Variants in UBE2V1 observed in about 807,000 individuals in gnomAD.
UBE2V1 encodes the protein ubiquitin conjugating enzyme E2 V1.
UBE2V1 carries 15 observed loss-of-function variants against 19.6 expected under a neutral mutation model. The ratio of observed to expected loss-of-function variants is 0.77; its 90% CI spans 0.51 to 1.18. The LOEUF is 1.18. Ranked by LOEUF, UBE2V1 falls within the 50% of genes most tolerant of loss-of-function variation. UBE2V1 has a pLI of 0.00. For synonymous variants in UBE2V1, 60 were observed against 60.7 expected, an observed-to-expected ratio of 0.99 and a Z score of 0.05; for missense variants, 125 against 184.8, an observed-to-expected ratio of 0.68 and a Z score of 1.88.
intron 2 of UBE2V1, among the ~76,000 whole-genome samples, chr20:50,092,477 T>G (rs2079299985): frequency 6.6e-6 from 1 of 152,166 alleles, no homozygotes; most frequent in Admixed American, 6.5e-5. Flanking sequence ...GGGGTACTGC[T>G]GGCTTCTAGT....
chr20:50,111,352 C>G, intron 1 of UBE2V1: 1 of 998,288 alleles, frequency 1.0e-6, no homozygotes, highest in Non-Finnish European at 1.2e-6. Context: ...TTGTAGGTAG[C>G]CAACCGAGTG....
chr20:50,088,058 T>C (rs2079022453), intron 2 of UBE2V1, among the ~76,000 whole-genome samples: 1 of 148,538 alleles, frequency 6.7e-6, no homozygotes. Context: ...AAATTTTTCC[T>C]GGGCCAAATG....
intron 2 of UBE2V1, among the ~76,000 whole-genome samples, chr20:50,089,624 A>G (rs1285129346): frequency 6.6e-6 from 1 of 152,214 alleles, no homozygotes; most frequent in African/African-American, 2.4e-5. Context: ...CCTAGCCAGC[A>G]GCAGCAGGCA....
At chr20:50,115,457 A>G, upstream of UBE2V1, 1 of 1,524,904 alleles carries the variant, frequency 6.6e-7, no homozygotes, top group Non-Finnish European at 8.9e-7. Context: ...AGCAAGTGGA[A>G]GCATTTGGGT....
intron 1 of UBE2V1, among the ~76,000 whole-genome samples, chr20:50,101,948 G>A (rs2080027840): frequency 6.6e-6 from 1 of 152,216 alleles, no homozygotes; most frequent in South Asian, 2.1e-4. Flanking sequence ...AAAAGATGAA[G>A]AGGTTGGAGC....
upstream of UBE2V1, chr20:50,113,172 C>A (rs184663098): frequency 4.2e-4 from 533 of 1,268,182 alleles, 1 homozygote; most frequent in East Asian, 9.4e-4. Flanking sequence ...CTTCACCCCC[C>A]CCTTACCCGT....
At position 50,109,350 on chromosome 20, in the gene UBE2V1, A is replaced by C. The variant is rs56370005; in HGVS notation, c.22+3757T>G. On this transcript the variant is annotated intron_variant, in intron 1 of 3. Transcript: ENST00000371674. ...TTGTGGGGAGGTGGGAGGGATAGAG[A>C]TATGAAGAGAAAAGAGAATGTGGTG... Among the ~76,000 whole-genome samples, 1,418 of 152,178 alleles carry C rather than the reference A, an allele frequency of 9.3e-3. 15 individuals are homozygous for C. The highest frequency in any genetic ancestry group is 0.017 in the Middle Eastern group (5 of 294).
At chr20:50,100,076 C>T (rs190917282) in intron 1 of UBE2V1, among the ~76,000 whole-genome samples, 283 of 151,078 alleles carry the variant, frequency 1.9e-3, no homozygotes, top group South Asian at 0.018. Context: ...CCAGCCTGGG[C>T]GACAGAGTGA....
chr20:50,092,210 G>A (rs3819905), intron 2 of UBE2V1, among the ~76,000 whole-genome samples: 45,517 of 151,926 alleles, frequency 0.3, 6,891 homozygotes, highest in Middle Eastern at 0.39. Flanking sequence ...TAACCCCAGC[G>A]ACTAGGGAGG....
At chr20:50,106,120 A>C (rs927774854) in intron 1 of UBE2V1, among the ~76,000 whole-genome samples, 1 of 152,024 alleles carries the variant, frequency 6.6e-6, no homozygotes, top group Non-Finnish European at 1.5e-5. Flanking sequence ...AAAAAAAAAA[A>C]CTTCATCAAG....
upstream of UBE2V1, among the ~76,000 whole-genome samples, chr20:50,114,269 G>A (rs2080942157): frequency 6.6e-6 from 1 of 152,144 alleles, no homozygotes; most frequent in Non-Finnish European, 1.5e-5. Flanking sequence ...AGAGGGACAA[G>A]GAAGCTGGAA....
chr20:50,084,600 G>A (rs2078801235), intron 2 of UBE2V1: 1 of 465,432 alleles, frequency 2.1e-6, no homozygotes, highest in African/African-American at 2.0e-5. Context: ...AGGAAGCCGA[G>A]TTAAATGTCC....
At chr20:50,090,830 GTGATGGATGCGT>G (rs2079174651) in intron 2 of UBE2V1, among the ~76,000 whole-genome samples, 1 of 152,194 alleles carries the variant, frequency 6.6e-6, no homozygotes, top group Non-Finnish European at 1.5e-5. Context: ...GCTACACGTG[GTGATGGATGCGT>G]TGATTAATTT....
At chr20:50,100,197 C>CT (rs1601080847) in intron 1 of UBE2V1, among the ~76,000 whole-genome samples, 2 of 150,416 alleles carry the variant, frequency 1.3e-5, no homozygotes, top group African/African-American at 4.9e-5. Flanking sequence ...AGGAGGACTG[C>CT]TTGAGCCTGG....
At chr20:50,108,333 G>C (rs2080524447) in intron 1 of UBE2V1, among the ~76,000 whole-genome samples, 1 of 152,136 alleles carries the variant, frequency 6.6e-6, no homozygotes, top group Admixed American at 6.5e-5. Flanking sequence ...GTGAAGATGA[G>C]GAAAGACTAC....
At chr20:50,087,290 G>C (rs570245261) in intron 2 of UBE2V1, among the ~76,000 whole-genome samples, 1 of 151,236 alleles carries the variant, frequency 6.6e-6, no homozygotes, top group African/African-American at 2.4e-5. Flanking sequence ...CAGCTAACCG[G>C]GGGGCTGAGA....
intron 1 of UBE2V1, among the ~76,000 whole-genome samples, chr20:50,105,931 C>CAAAAAACA (rs771046604): frequency 2.0e-5 from 3 of 150,976 alleles, no homozygotes; most frequent in Non-Finnish European, 4.4e-5. Flanking sequence ...TCAAAAAAAA[C>CAAAAAACA]AAAAAACAAA....
At chr20:50,092,517 C>T (rs928013140) in intron 2 of UBE2V1, among the ~76,000 whole-genome samples, 1 of 152,034 alleles carries the variant, frequency 6.6e-6, no homozygotes, top group Non-Finnish European at 1.5e-5. Flanking sequence ...TGCTAAACAG[C>T]CTACAACGCA....
chr20:50,089,907 G>C (rs1326301405), intron 2 of UBE2V1, among the ~76,000 whole-genome samples: 1 of 152,158 alleles, frequency 6.6e-6, no homozygotes, highest in African/African-American at 2.4e-5. Context: ...TATCACCCCA[G>C]TATGAGCCCC....
Sources: allele counts gnomAD v4.1 joint callset (sites outside exome capture counted in the v4.1 genomes callset), GRCh38; gene constraint gnomAD v4.1.1; transcripts MANE v1.5; gene names NCBI Gene and HGNC (gene_info 2026-07-23, HGNC 2026-07-21).